TRMT11: variants seen among roughly 807,000 people sequenced by gnomAD.
TRMT11 encodes tRNA methyltransferase 11.
A neutral mutation model predicts 62.8 loss-of-function variants in TRMT11; 53 were observed. That is an observed-to-expected ratio of 0.84 (90% CI 0.68 to 1.06). TRMT11 has a LOEUF of 1.06. Ranked by LOEUF, TRMT11 falls within the 50% of genes least tolerant of loss-of-function variation. The pLI, the probability that TRMT11 is intolerant of heterozygous loss-of-function variation, is 0.00. For synonymous variants in TRMT11, 188 were observed against 190.3 expected (o/e 0.99, Z 0.10); for missense variants, 556 against 553.4 (o/e 1.00, Z -0.05).
the TRMT11 span, among the ~76,000 whole-genome samples, chr6:126,266,429 T>G: frequency 2.0e-5 from 3 of 152,310 alleles, no homozygotes; most frequent in African/African-American, 7.2e-5. Flanking sequence ...ATGAAGCTAC[T>G]GGCAGCTTTT....
Position 126,187,871 on chromosome 6 carries a change from GAGGAA to G in TRMT11, n.143+10542_143+10546del, listed in dbSNP as rs1232049104. Among the ~76,000 whole-genome samples, 4 of 133,000 alleles carry G rather than the reference GAGGAA, an allele frequency of 3.0e-5. No homozygotes were observed. In the East Asian group the frequency reaches 5.8e-4, roughly 19 times the overall value. 87.3% of individuals were successfully genotyped at this position (133,000 alleles called of 152,430 possible). A position where few individuals can be genotyped will look rare whatever the true frequency, so the allele number is the denominator to read the frequency against. On this transcript the variant is annotated intron_variant and non_coding_transcript_variant, in intron 1 of 3. Transcript: ENST00000444229. ...CACCCAGTCAGTGGGAAATTCATTA[GAGGAA>G]AGGAATCTTTTTAAGAAATGGCAAT... is the stretch of plus-strand genomic sequence containing the variant.
chr6:126,014,587 C>A (rs1357564584), intron 11 of TRMT11, among the ~76,000 whole-genome samples: 2 of 152,210 alleles, frequency 1.3e-5, no homozygotes, highest in Non-Finnish European at 2.9e-5. Flanking sequence ...ACAGTGGTAA[C>A]TGTCTTTTTC....
At chr6:126,202,420 A>G (rs1261569189), downstream of TRMT11, among the ~76,000 whole-genome samples, 1 of 152,206 alleles carries the variant, frequency 6.6e-6, no homozygotes, top group Non-Finnish European at 1.5e-5. Flanking sequence ...AAATATTTTA[A>G]GTCAACATGT....
chr6:126,128,048 A>G (rs1777738652), intron 21 of TRMT11, among the ~76,000 whole-genome samples: 1 of 152,126 alleles, frequency 6.6e-6, no homozygotes, highest in South Asian at 2.1e-4. Flanking sequence ...AATTCTGCCT[A>G]TTGTAGTGAT....
chr6:126,244,691 C>T, the TRMT11 span, among the ~76,000 whole-genome samples: 10 of 152,132 alleles, frequency 6.6e-5, no homozygotes, highest in African/African-American at 1.9e-4. Flanking sequence ...TTTTCAGTTT[C>T]GACACTCTGT....
chr6:126,141,042 A>G (rs1777911291), intron 21 of TRMT11, among the ~76,000 whole-genome samples: 1 of 152,034 alleles, frequency 6.6e-6, no homozygotes, highest in Admixed American at 6.6e-5. Context: ...TTCATACAAC[A>G]TTTGTGTGTG....
chr6:126,083,568 G>A (rs962291882), intron 17 of TRMT11, among the ~76,000 whole-genome samples: 4 of 152,058 alleles, frequency 2.6e-5, no homozygotes, highest in Non-Finnish European at 4.4e-5. Context: ...GATTATTATA[G>A]TGAAGCAAAT....
In TRMT11 at chr6:126,012,950, ATTTTC is replaced by A; in HGVS notation, c.1008-11_1008-7del. 6.2e-7 allele frequency: 1 copy of A among 1,607,896 alleles called. No individual in the cohort carries two copies. The highest frequency in any genetic ancestry group is 8.5e-7 in the Non-Finnish European group (1 of 1,176,550). On this transcript the variant is annotated splice_polypyrimidine_tract_variant and intron_variant, in intron 10 of 12. Coordinates refer to ENST00000334379, the MANE Select transcript of TRMT11 (RefSeq NM_001031712.3). ...CTTAAAATTTTTCACTGATTTTGAA[ATTTTC>A]TTTTCTTTGTGTAGTCCAGAAAGCC...
rs912352686 is a variant in TRMT11, at chr6:126,021,154, C to A, written c.1140-6C>A. 1 of 1,613,938 alleles carries A rather than the reference C, an allele frequency of 6.2e-7. No homozygotes were observed. The highest frequency in any genetic ancestry group is 8.5e-7 in the Non-Finnish European group (1 of 1,179,944). ...TGTTCCTAACAGTCAGCTGTTCTTT[C>A]TTCAGATACACTGAAGAGATGGTGC... On this transcript the variant is annotated splice_polypyrimidine_tract_variant and splice_region_variant and intron_variant, in intron 11 of 12. Transcript: ENST00000334379.
the TRMT11 span, among the ~76,000 whole-genome samples, chr6:126,237,983 TC>T: frequency 3.1e-4 from 47 of 152,214 alleles, no homozygotes; most frequent in Non-Finnish European, 6.3e-4. Flanking sequence ...TTCTAGATTT[TC>T]TAGTTTATTT....
At position 126,038,715 on chromosome 6, in the gene TRMT11, A is replaced by G. The variant is rs1319598737; in HGVS notation, c.1271A>G (p.Gln424Arg). 12 of 1,568,132 alleles carry G rather than the reference A, an allele frequency of 7.7e-6. No individual in the cohort carries two copies. Among genetic ancestry groups the G allele is most frequent in the Non-Finnish European group, 9.5e-6 (11 of 1,162,996 alleles). The change falls in exon 13 of 13, where the codon CAG (glutamine) becomes CGG (arginine). Residue 424 changes from glutamine (Q) to arginine (R), a missense_variant. By Grantham distance (43) the Gln-to-Arg change is conservative. Coordinates refer to ENST00000334379, the MANE Select transcript of TRMT11 (RefSeq NM_001031712.3). The stretch of plus-strand genomic sequence containing the variant: ...TTTCCAACCAAACAGAATCGGGACC[A>G]GTATTCACATCTGCTAAGTGATCAT... ...EKVKKFENRD[Q>R]YSHLLSDHFL...
chr6:126,184,033 T>C (rs1198826912), intron 1 of TRMT11, among the ~76,000 whole-genome samples: 1 of 152,178 alleles, frequency 6.6e-6, no homozygotes, highest in African/African-American at 2.4e-5. Context: ...TAATAGATTA[T>C]ATTTATTAAT....
At chr6:126,263,506 G>T in the TRMT11 span, among the ~76,000 whole-genome samples, 1 of 152,146 alleles carries the variant, frequency 6.6e-6, no homozygotes, top group African/African-American at 2.4e-5. Context: ...ATATCTTAAT[G>T]CTATGTGGAT....
At chr6:126,240,022 TGTCAC>T in the TRMT11 span, among the ~76,000 whole-genome samples, 1 of 152,208 alleles carries the variant, frequency 6.6e-6, no homozygotes, top group Admixed American at 6.5e-5. Flanking sequence ...CTTGTGCATT[TGTCAC>T]GTAGTTCTCA....
At chr6:126,137,094 G>T (rs1777859593) in intron 21 of TRMT11, among the ~76,000 whole-genome samples, 1 of 151,550 alleles carries the variant, frequency 6.6e-6, no homozygotes, top group African/African-American at 2.4e-5. Context: ...TTTTGGATAA[G>T]ACTTCAAAAG....
At chr6:126,268,477 T>G in the TRMT11 span, among the ~76,000 whole-genome samples, 1 of 152,296 alleles carries the variant, frequency 6.6e-6, no homozygotes, top group South Asian at 2.1e-4. Flanking sequence ...AACCCAACCT[T>G]TACAGACAGG....
rs1778627491 is a variant in TRMT11, at chr6:126,193,488, G to GTTTTTTTTTTTTTTTTT, written n.144-5310_144-5309insTTTTTTTTTTTTTTTTT. 9.5e-4 allele frequency among the ~76,000 whole-genome samples: 112 copies of GTTTTTTTTTTTTTTTTT among 118,090 alleles called. 12 individuals are homozygous for GTTTTTTTTTTTTTTTTT. Among genetic ancestry groups the GTTTTTTTTTTTTTTTTT allele is most frequent in the African/African-American group, 3.8e-3 (102 of 26,858 alleles). The allele number at this position is 118,090 out of a possible 152,430, so 77.5% of individuals were successfully genotyped here. The stretch of plus-strand genomic sequence containing the variant: ...TAGGTTATTTAAGAGGAGCGTTTCT[G>GTTTTTTTTTTTTTTTTT]TATTTTTTTTTTTTTTTTTTTTTTT... On this transcript the variant is annotated intron_variant and non_coding_transcript_variant, in intron 1 of 3. Coordinates refer to the TRMT11 transcript ENST00000444229.
chr6:126,203,517 G>C (rs1309263598), downstream of TRMT11, among the ~76,000 whole-genome samples: 2 of 152,190 alleles, frequency 1.3e-5, no homozygotes, highest in Non-Finnish European at 2.9e-5. Flanking sequence ...TTTGGGGGCA[G>C]TGAAAAGCAT....
intron 8 of TRMT11, 27 bp downstream of exon 8, chr6:126,008,499 T>TA: frequency 6.3e-7 from 1 of 1,581,878 alleles, no homozygotes; most frequent in South Asian, 1.1e-5. Context: ...GACAGTATTA[T>TA]AGTCATTGCT....
Sources: allele counts gnomAD v4.1 joint callset (sites outside exome capture counted in the v4.1 genomes callset), GRCh38; gene constraint gnomAD v4.1.1; transcripts MANE v1.5; gene names NCBI Gene and HGNC (gene_info 2026-07-23, HGNC 2026-07-21).